Variants in SHISA9 observed in about 807,000 individuals in gnomAD.
SHISA9 encodes protein shisa-9.
A neutral mutation model predicts 38.0 loss-of-function variants in SHISA9; 13 were observed. That is an observed-to-expected ratio of 0.34 (90% CI 0.22 to 0.54). The LOEUF is 0.54. SHISA9 is among the 20% of genes least tolerant of loss of function. The pLI, the probability that SHISA9 is intolerant of heterozygous loss-of-function variation, is 0.91. For synonymous variants in SHISA9, 275 were observed against 242.0 expected, an observed-to-expected ratio of 1.14 and a Z score of -1.27; for missense variants, 538 against 575.8, an observed-to-expected ratio of 0.93 and a Z score of 0.67.
chr16:13,142,487 G>A (rs1365784154), intron 2 of SHISA9, among the ~76,000 whole-genome samples: 3 of 152,108 alleles, frequency 2.0e-5, no homozygotes, highest in Non-Finnish European at 4.4e-5. Context: ...CAGCTGCAGT[G>A]GGAACTATCT....
chr16:13,368,479 T>C, the SHISA9 span, among the ~76,000 whole-genome samples: 1 of 152,106 alleles, frequency 6.6e-6, no homozygotes, highest in Non-Finnish European at 1.5e-5. Context: ...GATTAGATTA[T>C]GTAGGTTTTA....
the SHISA9 span, among the ~76,000 whole-genome samples, chr16:13,303,703 A>G: frequency 6.6e-6 from 1 of 152,214 alleles, no homozygotes; most frequent in Non-Finnish European, 1.5e-5. Context: ...TAAATGTTCT[A>G]AATGCCACCG....
chr16:13,118,684 A>G (rs1206264669), intron 2 of SHISA9, among the ~76,000 whole-genome samples: 1 of 152,096 alleles, frequency 6.6e-6, no homozygotes, highest in East Asian at 1.9e-4. Context: ...TTAGTACACT[A>G]AAGTCTACGG....
At chr16:13,080,230 G>T (rs1352887363) in intron 2 of SHISA9, among the ~76,000 whole-genome samples, 1 of 152,152 alleles carries the variant, frequency 6.6e-6, no homozygotes, top group Non-Finnish European at 1.5e-5. Flanking sequence ...AAAATTAGCT[G>T]GGCGTGGTGG....
In SHISA9 at chr16:13,186,456, C is replaced by A. The variant is rs984091267; in HGVS notation, c.692-16938C>A. On this transcript the variant is annotated intron_variant, in intron 2 of 4. Coordinates refer to ENST00000558583, the MANE Select transcript of SHISA9 (RefSeq NM_001145204.3). ...GGAATTACAGGTGCATGCCACCACA[C>A]CCGGCTAATTTTTGTATTTTTAGTA... Among the ~76,000 whole-genome samples, 3 of 151,828 alleles carry A rather than the reference C, an allele frequency of 2.0e-5. No homozygotes were observed. The South Asian group carries it at 6.3e-4, about 32-fold the overall frequency.
the SHISA9 span, among the ~76,000 whole-genome samples, chr16:13,501,109 A>G: frequency 6.6e-6 from 1 of 152,152 alleles, no homozygotes; most frequent in African/African-American, 2.4e-5. Context: ...CTTAACCTAG[A>G]ACTGTAGTTT....
intron 2 of SHISA9, among the ~76,000 whole-genome samples, chr16:12,929,972 T>C (rs1285133049): frequency 1.3e-5 from 2 of 152,190 alleles, no homozygotes; most frequent in African/African-American, 4.8e-5. Flanking sequence ...GGGCCTTACC[T>C]ACAGAAAATA....
chr16:12,922,644 T>C (rs550214792), intron 2 of SHISA9, among the ~76,000 whole-genome samples: 1 of 152,240 alleles, frequency 6.6e-6, no homozygotes, highest in Non-Finnish European at 1.5e-5. Flanking sequence ...CTCAGCCTCC[T>C]GAGTAGCTGG....
At chr16:13,219,883 A>C (rs572714656) in intron 4 of SHISA9, among the ~76,000 whole-genome samples, 11 of 152,242 alleles carry the variant, frequency 7.2e-5, no homozygotes, top group African/African-American at 2.2e-4. Flanking sequence ...ACTTGAACCC[A>C]GGAGGCGGAG....
the SHISA9 span, among the ~76,000 whole-genome samples, chr16:13,293,652 C>T: frequency 6.6e-6 from 1 of 152,210 alleles, no homozygotes. Flanking sequence ...AATCTCCTCA[C>T]TTATTTCCTT....
the SHISA9 span, among the ~76,000 whole-genome samples, chr16:13,556,216 C>A: frequency 0.017 from 2,638 of 152,232 alleles, 85 homozygotes; most frequent in African/African-American, 0.061. Context: ...TCTGCTAAAT[C>A]AGTGGTGACT....
chr16:13,291,727 C>G, the SHISA9 span, among the ~76,000 whole-genome samples: 1 of 152,026 alleles, frequency 6.6e-6, no homozygotes, highest in Non-Finnish European at 1.5e-5. Flanking sequence ...AGAAAAAGCC[C>G]AAATTCAAAA....
chr16:12,937,912 T>G (rs1201571908), intron 2 of SHISA9, among the ~76,000 whole-genome samples: 1 of 152,248 alleles, frequency 6.6e-6, no homozygotes, highest in African/African-American at 2.4e-5. Flanking sequence ...TTTTGCCCTT[T>G]TGCTGTGAGC....
At chr16:13,181,632 G>A (rs371988013) in intron 2 of SHISA9, among the ~76,000 whole-genome samples, 7 of 152,110 alleles carry the variant, frequency 4.6e-5, no homozygotes, top group East Asian at 1.9e-4. Flanking sequence ...TGATGTCATA[G>A]CTCGTGTGTT....
At chr16:13,414,908 C>T in the SHISA9 span, among the ~76,000 whole-genome samples, 39 of 152,294 alleles carry the variant, frequency 2.6e-4, no homozygotes, top group African/African-American at 8.4e-4. Flanking sequence ...GCTGGGATTA[C>T]AGGCGTGAGC....
chr16:13,482,217 G>T, the SHISA9 span, among the ~76,000 whole-genome samples: 204 of 152,360 alleles, frequency 1.3e-3, no homozygotes, highest in Admixed American at 2.7e-3. Flanking sequence ...TAGTCTGTTG[G>T]CTGTTTCCCT....
At chr16:13,217,931 G>C (rs907573797) in intron 4 of SHISA9, among the ~76,000 whole-genome samples, 5 of 151,146 alleles carry the variant, frequency 3.3e-5, no homozygotes, top group African/African-American at 1.2e-4. Flanking sequence ...CTGGGAGGCT[G>C]AGGCAAGAGA....
At chr16:13,553,588 C>A in the SHISA9 span, among the ~76,000 whole-genome samples, 1 of 152,058 alleles carries the variant, frequency 6.6e-6, no homozygotes, top group Non-Finnish European at 1.5e-5. Context: ...GATTGGAACT[C>A]CAGAACCGAA....
chr16:13,109,614 A>G (rs1479198977), intron 2 of SHISA9, among the ~76,000 whole-genome samples: 3 of 152,242 alleles, frequency 2.0e-5, no homozygotes, highest in Non-Finnish European at 4.4e-5. Flanking sequence ...GACTTGTGCA[A>G]CTATCATGAG....
Sources: gnomAD v4.1 joint callset for allele counts (sites outside exome capture counted in the v4.1 genomes callset) on GRCh38, gnomAD v4.1.1 for gene constraint, MANE v1.5 for transcripts, NCBI Gene and HGNC (gene_info 2026-07-23, HGNC 2026-07-21) for gene names.